Variants in COBLL1 observed in about 807,000 individuals in gnomAD.
COBLL1 encodes cordon-bleu WH2 repeat protein like 1.
A neutral mutation model predicts 94.8 loss-of-function variants in COBLL1; 50 were observed. That is an observed-to-expected ratio of 0.53 (90% CI 0.42 to 0.67). The LOEUF (loss-of-function observed/expected upper bound fraction) is 0.67, where lower values mean the gene tolerates loss of function less well. Ranked by LOEUF, COBLL1 falls within the 30% of genes least tolerant of loss-of-function variation. The probability of loss-of-function intolerance (pLI) is 0.00; values close to 1 mark genes in which losing one functional copy is unlikely to be tolerated. For synonymous variants in COBLL1, 448 were observed against 473.8 expected (o/e 0.95, Z 0.71); for missense variants, 1,362 against 1,348.7 (o/e 1.01, Z -0.15).
intron 2 of COBLL1, among the ~76,000 whole-genome samples, chr2:164,818,493 A>G (rs901523236): frequency 6.7e-6 from 1 of 149,230 alleles, no homozygotes; most frequent in Non-Finnish European, 1.5e-5. Context: ...ATACATATAC[A>G]TATTTACAAT....
intron 7 of COBLL1, among the ~76,000 whole-genome samples, chr2:164,711,401 T>G (rs1684892533): frequency 1.3e-5 from 2 of 152,146 alleles, no homozygotes; most frequent in African/African-American, 4.8e-5. Context: ...GGTGACTGTG[T>G]TGGTAAGAGT....
At chr2:164,658,567 G>A (rs1161741651) in intron 2 of COBLL1, among the ~76,000 whole-genome samples, 3 of 152,166 alleles carry the variant, frequency 2.0e-5, no homozygotes, top group East Asian at 3.9e-4. Flanking sequence ...CAGTGCAGGG[G>A]ATTATTTCTT....
chr2:164,662,261 C>A (rs1489969701), intron 2 of COBLL1, among the ~76,000 whole-genome samples: 1 of 152,098 alleles, frequency 6.6e-6, no homozygotes, highest in African/African-American at 2.4e-5. Context: ...CTCACAGAAG[C>A]CAAAAATTTG....
rs964166733 is a variant in COBLL1, at chr2:164,722,585, C to A, written c.662-63G>T. 1.5e-5 allele frequency: 13 copies of A among 847,296 alleles called. No individual in the cohort carries two copies. The African/African-American group carries it at 2.3e-4, about 15-fold the overall frequency. 52.5% of individuals were successfully genotyped at this position (847,296 alleles called of 1,614,324 possible). A position where few individuals can be genotyped will look rare whatever the true frequency, so the allele number is the denominator to read the frequency against. ...GGTTGACTGTTCACTTCCAAGATTTCTTTCTCTTACTTCCCCTTTGCAAAC... is the reference window on the plus strand; with the variant it reads ...GGTTGACTGTTCACTTCCAAGATTTATTTCTCTTACTTCCCCTTTGCAAAC... On this transcript the variant is annotated intron_variant, in intron 5 of 13. Coordinates refer to ENST00000652658, the MANE Select transcript of COBLL1 (RefSeq NM_001365672.2).
At chr2:164,789,433 A>T (rs928592645) in intron 2 of COBLL1, among the ~76,000 whole-genome samples, 7 of 152,118 alleles carry the variant, frequency 4.6e-5, no homozygotes, top group Admixed American at 2.6e-4. Context: ...TATGAAGCAA[A>T]AATGGGGCAT....
At chr2:164,658,494 G>C in intron 2 of COBLL1, among the ~76,000 whole-genome samples, 1 of 152,158 alleles carries the variant, frequency 6.6e-6, no homozygotes, top group East Asian at 1.9e-4. Context: ...TTACAGCTTT[G>C]ATTCTGGAAG....
rs772104839 is a variant in COBLL1 at position 164,692,283 on chromosome 2, G to C, written c.3238C>G (p.Gln1080Glu). 3.7e-6 allele frequency: 6 copies of C among 1,613,564 alleles called. No homozygotes were observed. Among genetic ancestry groups the C allele is most frequent in the Non-Finnish European group, 5.1e-6 (6 of 1,179,654 alleles). ...SLTFQSSDPE[Q>E]MRQSLLTAIR... ...GCAGTCAGCAAACTCTGTCGCATCT[G>C]TTCTGGGTCAGAGCTTTGGAATGTT... is the stretch of plus-strand genomic sequence containing the variant. Residue 1080 changes from glutamine to glutamate, a missense_variant, in exon 13 of 14, where the codon CAG becomes GAG. Physicochemically the swap from Gln to Glu is conservative, Grantham distance 29 (BLOSUM62 2). Transcript: ENST00000652658.
At position 164,781,157 on chromosome 2, in the gene COBLL1, C is replaced by T. The variant is rs889237321; in HGVS notation, c.42-37282G>A. 2.6e-5 allele frequency among the ~76,000 whole-genome samples: 4 copies of T among 152,328 alleles called. No homozygotes were observed. In the East Asian group the frequency reaches 7.7e-4, roughly 29 times the overall value. ...GATTCAATACCTTTTACATACATCA[C>T]AGTGAATACTACACAGAGAAAACAA... On this transcript the variant is annotated intron_variant, in intron 2 of 13. Coordinates refer to ENST00000652658, the MANE Select transcript of COBLL1 (RefSeq NM_001365672.2).
intron 3 of COBLL1, among the ~76,000 whole-genome samples, chr2:164,740,609 T>C (rs573842565): frequency 1.3e-5 from 2 of 152,202 alleles, no homozygotes; most frequent in Admixed American, 6.5e-5. Context: ...TTCATTTTGA[T>C]AAATTCATGA....
chr2:164,809,557 G>C, intron 2 of COBLL1, among the ~76,000 whole-genome samples: 1 of 151,818 alleles, frequency 6.6e-6, no homozygotes, highest in East Asian at 1.9e-4. Context: ...CAACTCTCAG[G>C]GTATTAAGGA....
chr2:164,807,875 A>G (rs1684257301), intron 2 of COBLL1, among the ~76,000 whole-genome samples: 1 of 151,990 alleles, frequency 6.6e-6, no homozygotes, highest in African/African-American at 2.4e-5. Flanking sequence ...GCTGAAGTGC[A>G]GTGGCAATAT....
rs550910830 is a variant in COBLL1, at chr2:164,783,901, G to A, written c.42-40026C>T. 1.2e-4 allele frequency among the ~76,000 whole-genome samples: 18 copies of A among 152,270 alleles called. No individual in the cohort carries two copies. The South Asian group carries it at 3.1e-3, about 26-fold the overall frequency. ...AGATTGCTTGAGCCTGGGAGATCGA[G>A]CCTTCAGTAAGCCATGATTATGCCA... On this transcript the variant is annotated intron_variant, in intron 2 of 13. Transcript: ENST00000652658.
intron 2 of COBLL1, among the ~76,000 whole-genome samples, chr2:164,822,725 G>GAT (rs769970272): frequency 3.1e-3 from 430 of 139,428 alleles, no homozygotes; most frequent in African/African-American, 7.2e-3. Context: ...TCTCTGAAAA[G>GAT]ATTATATTAT....
intron 2 of COBLL1, chr2:164,773,600 A>ATG: frequency 2.9e-6 from 1 of 347,388 alleles, no homozygotes; most frequent in Non-Finnish European, 5.1e-6. Flanking sequence ...ACATATTAAA[A>ATG]TGTGCAAGGG....
At chr2:164,730,752 A>G (rs1451421624) in intron 3 of COBLL1, among the ~76,000 whole-genome samples, 1 of 151,952 alleles carries the variant, frequency 6.6e-6, no homozygotes, top group East Asian at 1.9e-4. Context: ...TATTTGTAAT[A>G]TAACATTGGC....
intron 2 of COBLL1, among the ~76,000 whole-genome samples, chr2:164,661,214 C>T (rs1195709593): frequency 6.6e-6 from 1 of 150,796 alleles, no homozygotes; most frequent in Non-Finnish European, 1.5e-5. Context: ...CTCTATAACT[C>T]ATTATGATAT....
intron 2 of COBLL1, among the ~76,000 whole-genome samples, chr2:164,758,466 C>G (rs537232253): frequency 6.6e-6 from 1 of 152,270 alleles, no homozygotes; most frequent in Admixed American, 6.5e-5. Flanking sequence ...TGTCCCAATG[C>G]TCACTTATGA....
At chr2:164,731,946 C>A (rs1371222430) in intron 3 of COBLL1, among the ~76,000 whole-genome samples, 1 of 152,164 alleles carries the variant, frequency 6.6e-6, no homozygotes, top group East Asian at 1.9e-4. Flanking sequence ...GATTCACTGT[C>A]GGACACTGTG....
chr2:164,749,309 A>G, intron 2 of COBLL1, among the ~76,000 whole-genome samples: 1 of 152,310 alleles, frequency 6.6e-6, no homozygotes, highest in African/African-American at 2.4e-5. Flanking sequence ...ATATGGCTTC[A>G]ATATTAAATA....
Sources: allele counts gnomAD v4.1 joint callset (sites outside exome capture counted in the v4.1 genomes callset), GRCh38; gene constraint gnomAD v4.1.1; transcripts MANE v1.5; gene names NCBI Gene and HGNC (gene_info 2026-07-23, HGNC 2026-07-21).